TEKT5: variants seen among roughly 807,000 people sequenced by gnomAD.
TEKT5 encodes the protein tektin-5.
TEKT5 carries 52 observed loss-of-function variants against 48.7 expected under a neutral mutation model. The observed-to-expected ratio is 1.07, with a 90% CI of 0.86 to 1.35. The LOEUF (loss-of-function observed/expected upper bound fraction) is 1.35, where lower values mean the gene tolerates loss of function less well. TEKT5 is among the 40% of genes most tolerant of loss of function. The pLI is 0.00. For missense variants in TEKT5, 831 were observed against 641.6 expected (o/e 1.30, Z -3.19); for synonymous variants, 318 against 267.6 (o/e 1.19, Z -1.84).
intron 5 of TEKT5, among the ~76,000 whole-genome samples, chr16:10,650,158 G>A (rs972555036): frequency 2.6e-5 from 4 of 152,074 alleles, no homozygotes; most frequent in Admixed American, 2.0e-4. Flanking sequence ...TGCAACCTCC[G>A]CTTCCTGGGT....
intron 4 of TEKT5, 105 bp from the exon 5 acceptor site, chr16:10,676,286 C>T: frequency 9.1e-7 from 1 of 1,103,620 alleles, no homozygotes; most frequent in Non-Finnish European, 1.3e-6. Flanking sequence ...ATTCTCTGTC[C>T]TGTGCATTGT....
In TEKT5 at chr16:10,627,604, CG is replaced by C. The variant is rs1422956059; in HGVS notation, c.1436del (p.Pro479ArgfsTer?). On this transcript the variant is annotated frameshift_variant, in exon 7 of 7. Transcript: ENST00000283025. LOFTEE classifies it high-confidence loss of function. Reference sequence around the variant, plus strand: ...GTGCTCAGGTGTGGCCCACCAGGCGCGGGGTGCAGGGGAAGGTCTTACGCAT... The same window carrying C: ...GTGCTCAGGTGTGGCCCACCAGGCGCGGGTGCAGGGGAAGGTCTTACGCAT... Reference protein sequence around the residue: ...MGMRKTFPCTPRLVGHT With the variant: ...MGMRKTFPCTXRLVGHT The C allele has an allele frequency of 1.9e-6, 3 of 1,614,058 alleles. No individual in the cohort carries two copies. The African/African-American group carries it at 4.0e-5, about 22-fold the overall frequency.
intron 4 of TEKT5, among the ~76,000 whole-genome samples, chr16:10,681,714 A>C (rs1015102956): frequency 1.3e-5 from 2 of 152,028 alleles, no homozygotes; most frequent in African/African-American, 4.8e-5. Context: ...AAGGATGGAA[A>C]GATGAAGGCG....
chr16:10,644,462 A>AAATCCTATAT (rs1424417731), intron 5 of TEKT5, among the ~76,000 whole-genome samples: 2 of 152,302 alleles, frequency 1.3e-5, no homozygotes, highest in African/African-American at 4.8e-5. Context: ...TACTGCATCC[A>AAATCCTATAT]AATCTCACCT....
intron 3 of TEKT5, among the ~76,000 whole-genome samples, chr16:10,683,594 T>G (rs777512429): frequency 2.0e-5 from 3 of 152,242 alleles, no homozygotes; most frequent in Non-Finnish European, 2.9e-5. Flanking sequence ...TTTATTTAAT[T>G]AATTAATTTT....
intron 3 of TEKT5, among the ~76,000 whole-genome samples, chr16:10,684,994 C>T (rs1273158285): frequency 6.6e-6 from 1 of 152,210 alleles, no homozygotes; most frequent in Non-Finnish European, 1.5e-5. Context: ...TGAGGACACA[C>T]CAGACTCTGC....
At chr16:10,651,143 A>G (rs751630696) in intron 5 of TEKT5, among the ~76,000 whole-genome samples, 3 of 152,174 alleles carry the variant, frequency 2.0e-5, no homozygotes, top group Non-Finnish European at 4.4e-5. Flanking sequence ...TCTGCAGGGC[A>G]ACCCAATGCA....
chr16:10,652,869 A>ACACACACC (rs1178174946), intron 5 of TEKT5, among the ~76,000 whole-genome samples: 1,108 of 88,816 alleles, frequency 0.012, 97 homozygotes, highest in Middle Eastern at 0.027. Context: ...ACACACACAC[A>ACACACACC]CCCTCCAGGT....
At chr16:10,638,751 T>C (rs1219282884) in intron 5 of TEKT5, among the ~76,000 whole-genome samples, 7 of 152,226 alleles carry the variant, frequency 4.6e-5, no homozygotes, top group Non-Finnish European at 8.8e-5. Flanking sequence ...TCTTTGACCA[T>C]TTCTACCCTG....
rs1016723533 is a variant in TEKT5, at chr16:10,694,597, C to G, written c.277G>C (p.Asp93His). The G allele has an allele frequency of 3.9e-5, 62 of 1,608,288 alleles. No individual in the cohort carries two copies. The highest frequency in any genetic ancestry group is 5.3e-5 in the Non-Finnish European group (62 of 1,177,124). The change falls in exon 1 of 7, where the codon GAC becomes CAC. Residue 93 changes from aspartate to histidine, a missense_variant. Coordinates refer to ENST00000283025, the MANE Select transcript of TEKT5 (RefSeq NM_144674.2). Reference sequence around the variant, plus strand: ...TGCAGCTGGTTGGACTGGTCCCAGTCGTGGGGGCTATAGCGAGAGAAGAGT... The same window carrying G: ...TGCAGCTGGTTGGACTGGTCCCAGTGGTGGGGGCTATAGCGAGAGAAGAGT... Reference protein sequence around the residue: ...SALFSRYSPHDWDQSNQLQVR... With the variant: ...SALFSRYSPHHWDQSNQLQVR...
chr16:10,694,616 G>C lies in TEKT5; in HGVS notation c.258C>G (p.Phe86Leu), dbSNP rs769997652. ...TILPTLRSAL[F>L]SRYSPHDWDQ... ...CCCAGTCGTGGGGGCTATAGCGAGA[G>C]AAGAGTGCGGAGCGCAGTGTGGGCA... is the stretch of plus-strand genomic sequence containing the variant. The change falls in exon 1 of 7, where the codon TTC (phenylalanine) becomes TTG (leucine). Residue 86 changes from phenylalanine to leucine, a missense_variant. Physicochemically the swap from Phe to Leu is conservative, Grantham distance 22. Transcript: ENST00000283025. 6.2e-7 allele frequency: 1 copy of C among 1,611,590 alleles called. No homozygotes were observed. Among genetic ancestry groups the C allele is most frequent in the Non-Finnish European group, 8.5e-7 (1 of 1,178,758 alleles).
intron 6 of TEKT5, among the ~76,000 whole-genome samples, chr16:10,631,101 C>A (rs945230409): frequency 3.7e-4 from 56 of 150,656 alleles, no homozygotes; most frequent in African/African-American, 5.6e-4. Context: ...CACACACACA[C>A]AAAAATTAGC....
intron 5 of TEKT5, among the ~76,000 whole-genome samples, chr16:10,655,324 C>T (rs1898242958): frequency 6.6e-6 from 1 of 152,144 alleles, no homozygotes; most frequent in Admixed American, 6.5e-5. Context: ...GACTTCAGAA[C>T]CCACCGGAAC....
intron 5 of TEKT5, among the ~76,000 whole-genome samples, chr16:10,649,371 A>C (rs569116016): frequency 6.6e-6 from 1 of 152,176 alleles, no homozygotes; most frequent in Admixed American, 6.5e-5. Flanking sequence ...TCAGCCTCCC[A>C]AAGTTCTGGG....
intron 5 of TEKT5, among the ~76,000 whole-genome samples, chr16:10,636,604 A>C (rs1353083823): frequency 1.3e-5 from 2 of 151,856 alleles, no homozygotes; most frequent in East Asian, 3.9e-4. Context: ...TTTCAGATTG[A>C]CAGAGACTGT....
chr16:10,689,888 T>C (rs1264042408), intron 2 of TEKT5, 54 bp downstream of exon 2: 2 of 1,579,046 alleles, frequency 1.3e-6, no homozygotes, highest in East Asian at 2.2e-5. Flanking sequence ...TTCTCTGACC[T>C]GCTGGCCTTC....
chr16:10,653,818 C>T (rs1898210665), intron 5 of TEKT5, among the ~76,000 whole-genome samples: 2 of 152,106 alleles, frequency 1.3e-5, no homozygotes, highest in South Asian at 4.1e-4. Context: ...GAGGCTGAGG[C>T]AGGAGAGTCA....
At chr16:10,690,984 C>G (rs1469132912) in intron 1 of TEKT5, among the ~76,000 whole-genome samples, 1 of 152,182 alleles carries the variant, frequency 6.6e-6, no homozygotes, top group African/African-American at 2.4e-5. Flanking sequence ...GCACAACGAA[C>G]CAGGCTGAGA....
chr16:10,670,032 G>C (rs1898525724), intron 5 of TEKT5, among the ~76,000 whole-genome samples: 2 of 152,228 alleles, frequency 1.3e-5, no homozygotes, highest in Non-Finnish European at 2.9e-5. Context: ...CCAGTGAACA[G>C]ATGAGGCTGT....
Sources: gnomAD v4.1 joint callset for allele counts (sites outside exome capture counted in the v4.1 genomes callset) on GRCh38, gnomAD v4.1.1 for gene constraint, MANE v1.5 for transcripts, NCBI Gene and HGNC (gene_info 2026-07-23, HGNC 2026-07-21) for gene names.